Variants in CMTM8 observed in about 807,000 individuals in gnomAD.
CMTM8 encodes the protein CKLF-like MARVEL transmembrane domain-containing protein 8.
Under a neutral mutation model 18.6 loss-of-function variants are expected in CMTM8, and 12 were observed. The observed-to-expected ratio is 0.65, with a 90% CI of 0.41 to 1.05. The LOEUF is 1.05. CMTM8 is among the 50% of genes least tolerant of loss of function. The pLI is 0.00. For missense variants in CMTM8, 217 were observed against 227.2 expected (o/e 0.95, Z 0.29); for synonymous variants, 87 against 90.6 (o/e 0.96, Z 0.23).
intron 1 of CMTM8, among the ~76,000 whole-genome samples, chr3:32,319,074 A>ATATATATGTATT: frequency 2.9e-4 from 9 of 31,524 alleles, no homozygotes; most frequent in Non-Finnish European, 4.1e-4. Flanking sequence ...ATATATATAT[A>ATATATATGTATT]TTTTTTTTTT....
intron 1 of CMTM8, among the ~76,000 whole-genome samples, chr3:32,318,630 G>A (rs1020040014): frequency 2.7e-5 from 4 of 147,786 alleles, no homozygotes; most frequent in African/African-American, 7.5e-5. Context: ...GCGGTGGTGC[G>A]ATCTTGGCTC....
intron 1 of CMTM8, among the ~76,000 whole-genome samples, chr3:32,270,732 A>G (rs1353128910): frequency 3.3e-5 from 5 of 152,036 alleles, no homozygotes; most frequent in African/African-American, 1.2e-4. Context: ...GGGTGGGGGG[A>G]GCGGGGAGGG....
chr3:32,274,919 C>G (rs1702492992), intron 1 of CMTM8, among the ~76,000 whole-genome samples: 1 of 152,202 alleles, frequency 6.6e-6, no homozygotes, highest in South Asian at 2.1e-4. Context: ...AGAAATCCCA[C>G]TGAAGTGATG....
intron 2 of CMTM8, among the ~76,000 whole-genome samples, chr3:32,362,774 A>C (rs1191417000): frequency 5.9e-5 from 9 of 152,182 alleles, no homozygotes; most frequent in African/African-American, 2.2e-4. Context: ...CACATGACTT[A>C]TTGGCAGGGG....
intron 1 of CMTM8, among the ~76,000 whole-genome samples, chr3:32,291,620 C>A (rs1181353469): frequency 6.6e-6 from 1 of 152,238 alleles, no homozygotes; most frequent in African/African-American, 2.4e-5. Flanking sequence ...TCAGTTTAGA[C>A]TGCATTCTAC....
intron 1 of CMTM8, among the ~76,000 whole-genome samples, chr3:32,267,347 G>C (rs1433073012): frequency 6.6e-6 from 1 of 152,086 alleles, no homozygotes; most frequent in African/African-American, 2.4e-5. Context: ...ACAAGAAATG[G>C]GGAAAGGATT....
intron 2 of CMTM8, among the ~76,000 whole-genome samples, chr3:32,362,424 C>T (rs1696953481): frequency 2.6e-5 from 4 of 152,094 alleles, no homozygotes; most frequent in Admixed American, 2.6e-4. Context: ...TCATTTAATC[C>T]TTACAGTAAC....
intron 1 of CMTM8, among the ~76,000 whole-genome samples, chr3:32,299,077 T>A (rs1044795587): frequency 6.6e-6 from 1 of 151,310 alleles, no homozygotes; most frequent in Non-Finnish European, 1.5e-5. Context: ...CACGAAACAC[T>A]GTGCCCCGCT....
chr3:32,364,041 G>A (rs1000735319), intron 2 of CMTM8, among the ~76,000 whole-genome samples: 3 of 152,204 alleles, frequency 2.0e-5, no homozygotes, highest in Admixed American at 2.0e-4. Flanking sequence ...AGAAAGGCAA[G>A]CCGCAGGTGA....
intron 3 of CMTM8, among the ~76,000 whole-genome samples, chr3:32,368,610 AC>A (rs1275790849): frequency 6.6e-6 from 1 of 151,974 alleles, no homozygotes; most frequent in Non-Finnish European, 1.5e-5. Flanking sequence ...AGAATCCTGC[AC>A]CACCATGCCC....
chr3:32,314,631 C>T (rs1695884081), intron 1 of CMTM8, among the ~76,000 whole-genome samples: 1 of 152,090 alleles, frequency 6.6e-6, no homozygotes, highest in African/African-American at 2.4e-5. Flanking sequence ...AGGCGCATGC[C>T]ACCACACCCA....
At chr3:32,260,293 G>GAAAAAAA in intron 1 of CMTM8, 10 of 749,770 alleles carry the variant, frequency 1.3e-5, no homozygotes, top group Admixed American at 9.3e-5. Context: ...GAGGTCATTG[G>GAAAAAAA]AAAAAAAAAG....
chr3:32,255,603 G>C (rs1156603132), intron 1 of CMTM8, among the ~76,000 whole-genome samples: 1 of 151,996 alleles, frequency 6.6e-6, no homozygotes, highest in Non-Finnish European at 1.5e-5. Flanking sequence ...GTTTGAAAGT[G>C]GTAAACTTTT....
intron 1 of CMTM8, among the ~76,000 whole-genome samples, chr3:32,278,370 G>T (rs1702550610): frequency 6.6e-6 from 1 of 152,200 alleles, no homozygotes; most frequent in African/African-American, 2.4e-5. Context: ...TCTGTGCTGT[G>T]AGGGGCCTTG....
chr3:32,342,833 C>T (rs574420279), intron 1 of CMTM8, among the ~76,000 whole-genome samples: 32 of 152,320 alleles, frequency 2.1e-4, no homozygotes, highest in African/African-American at 7.7e-4. Flanking sequence ...CACAGCACCT[C>T]GCAAGCACTC....
chr3:32,352,891 A>G (rs1288957044), intron 1 of CMTM8, among the ~76,000 whole-genome samples: 1 of 145,586 alleles, frequency 6.9e-6, no homozygotes, highest in Admixed American at 6.9e-5. Context: ...TTTTTTTTTA[A>G]TCAGGTTTTT....
At chr3:32,314,665 G>C (rs1695884579) in intron 1 of CMTM8, among the ~76,000 whole-genome samples, 1 of 151,744 alleles carries the variant, frequency 6.6e-6, no homozygotes, top group Non-Finnish European at 1.5e-5. Context: ...TTTTTGGTAA[G>C]ACAGGGTTTT....
chr3:32,288,095 A>G (rs941082500), intron 1 of CMTM8, among the ~76,000 whole-genome samples: 6 of 152,244 alleles, frequency 3.9e-5, no homozygotes, highest in Non-Finnish European at 7.3e-5. Context: ...TCAAATAGGT[A>G]GACCTGGAAT....
At chr3:32,328,370 CAAA>C (rs796201249) in intron 1 of CMTM8, among the ~76,000 whole-genome samples, 51 of 74,774 alleles carry the variant, frequency 6.8e-4, no homozygotes, top group African/African-American at 3.0e-3. Flanking sequence ...ACCCTGTCTC[CAAA>C]AAAAAAAAAA....
Sources: allele counts gnomAD v4.1 joint callset (sites outside exome capture counted in the v4.1 genomes callset), GRCh38; gene constraint gnomAD v4.1.1; transcripts MANE v1.5; gene names NCBI Gene and HGNC (gene_info 2026-07-23, HGNC 2026-07-21).